SMAD2: variants seen among roughly 807,000 people sequenced by gnomAD.
SMAD2 encodes the protein SMAD family member 2.
In SMAD2, 8 loss-of-function variants were observed where a neutral mutation model predicts 64.4. The ratio of observed to expected loss-of-function variants is 0.12; its 90% CI spans 0.07 to 0.22. The LOEUF (loss-of-function observed/expected upper bound fraction) is 0.22. Ranked by LOEUF, SMAD2 falls within the 10% of genes least tolerant of loss-of-function variation. The probability of loss-of-function intolerance (pLI) is 1.00; values close to 1 mark genes in which losing one functional copy is unlikely to be tolerated. For synonymous variants in SMAD2, 203 were observed against 195.8 expected (o/e 1.04, Z -0.31); for missense variants, 289 against 561.2 (o/e 0.51, Z 4.90).
chr18:47,897,644 TA>T (rs1362119024), intron 1 of SMAD2, among the ~76,000 whole-genome samples: 1 of 152,198 alleles, frequency 6.6e-6, no homozygotes, highest in Admixed American at 6.5e-5. Flanking sequence ...TTTTTATTTT[TA>T]TTTTTTTGCT....
At chr18:47,906,024 G>C (rs2033888226) in intron 1 of SMAD2, among the ~76,000 whole-genome samples, 1 of 151,942 alleles carries the variant, frequency 6.6e-6, no homozygotes, top group Non-Finnish European at 1.5e-5. Flanking sequence ...TGAGGTGGGA[G>C]GATCATTTGA....
In SMAD2 at chr18:47,829,518, TCTTAGGTATCTCTCC is replaced by T. The variant is rs1400341159; in HGVS notation, c.*12294_*12308del. On this transcript the variant is annotated 3_prime_UTR_variant, in exon 11 of 11. Transcript: ENST00000262160. ...TTTAAAGAATATAAACAAGCCAGAT[TCTTAGGTATCTCTCC>T]CTTTTGTAATTTTGATTCTGAAAAA... is the stretch of plus-strand genomic sequence containing the variant. 8.5e-5 allele frequency: 13 copies of T among 152,174 alleles called. No homozygotes were observed. The highest frequency in any genetic ancestry group is 3.1e-4 in the African/African-American group (13 of 41,436). The allele number at this position is 152,174 out of a possible 1,614,324, so 9.4% of individuals were successfully genotyped here. A position where few individuals can be genotyped will look rare whatever the true frequency, so the allele number is the denominator to read the frequency against.
chr18:47,852,968 C>T (rs1013405611), intron 6 of SMAD2, among the ~76,000 whole-genome samples: 8 of 152,070 alleles, frequency 5.3e-5, no homozygotes, highest in East Asian at 1.9e-4. Flanking sequence ...ATTCTCTACA[C>T]GTTTAGGCAC....
chr18:47,908,444 CAT>C (rs1241682979), intron 1 of SMAD2, among the ~76,000 whole-genome samples: 1 of 151,860 alleles, frequency 6.6e-6, no homozygotes, highest in African/African-American at 2.4e-5. Flanking sequence ...GAAAAAAACT[CAT>C]AAACCAGGTA....
chr18:47,923,178 T>TAAA (rs546528253), intron 1 of SMAD2, among the ~76,000 whole-genome samples: 1 of 133,902 alleles, frequency 7.5e-6, no homozygotes, highest in African/African-American at 2.7e-5. Context: ...CCCAGATTAT[T>TAAA]AAAAAAAAAA....
intron 7 of SMAD2, among the ~76,000 whole-genome samples, chr18:47,850,377 ATATAT>A (rs1188089944): frequency 1.9e-4 from 3 of 15,726 alleles, no homozygotes; most frequent in Admixed American, 1.5e-3. Flanking sequence ...TATATATTAT[ATATAT>A]TATATAATAT....
At chr18:47,849,222 C>G (rs1379541921) in intron 7 of SMAD2, among the ~76,000 whole-genome samples, 1 of 151,746 alleles carries the variant, frequency 6.6e-6, no homozygotes, top group East Asian at 1.9e-4. Context: ...AAGAGAAAAC[C>G]CACTCATACA....
At position 47,906,238 on chromosome 18, in the gene SMAD2, A is replaced by C. The variant is rs187215333; in HGVS notation, c.-53-9429T>G. Among the ~76,000 whole-genome samples the C allele has an allele frequency of 5.3e-4, 80 of 152,220 alleles. 1 individual carries two copies. Among genetic ancestry groups the C allele is most frequent in the East Asian group, 1.4e-3 (7 of 5,184 alleles). On this transcript the variant is annotated intron_variant, in intron 1 of 10. Coordinates refer to ENST00000262160, the MANE Select transcript of SMAD2 (RefSeq NM_005901.6). Reference sequence around the variant, plus strand: ...TCTTGAGTACCAACATGACACCCCCAAAAAAACGGTCATTGTACTATACAG... The same window carrying C: ...TCTTGAGTACCAACATGACACCCCCCAAAAAACGGTCATTGTACTATACAG...
rs1427971633 is a variant in SMAD2, at chr18:47,827,462, CTCTCCCG to C, written c.*14358_*14364del. On this transcript the variant is annotated 3_prime_UTR_variant, in exon 11 of 11. Transcript: ENST00000262160. ...TTAGAAAAAAAGCACATCCCTCTCC[CTCTCCCG>C]TCTCCCCCCGTCTCCCACTTTCTAC... 6.6e-6 allele frequency: 1 copy of C among 152,316 alleles called. No homozygotes were observed. The highest frequency in any genetic ancestry group is 1.9e-4 in the East Asian group (1 of 5,186). The allele number at this position is 152,316 out of a possible 1,614,324, so 9.4% of individuals were successfully genotyped here.
chr18:47,916,263 A>G (rs1366738033), intron 1 of SMAD2, among the ~76,000 whole-genome samples: 1 of 152,170 alleles, frequency 6.6e-6, no homozygotes, highest in Non-Finnish European at 1.5e-5. Flanking sequence ...TAGCCTTGCA[A>G]AATAATTTTT....
intron 1 of SMAD2, among the ~76,000 whole-genome samples, chr18:47,918,497 G>A (rs528940412): frequency 6.6e-6 from 1 of 152,280 alleles, no homozygotes; most frequent in South Asian, 2.1e-4. Context: ...AAGGAGACAA[G>A]TTTCACCCAC....
chr18:47,901,034 C>T (rs375581260), intron 1 of SMAD2, among the ~76,000 whole-genome samples: 1 of 152,104 alleles, frequency 6.6e-6, no homozygotes, highest in Non-Finnish European at 1.5e-5. Context: ...ATGGTTAATA[C>T]CACCATTAAT....
intron 2 of SMAD2, among the ~76,000 whole-genome samples, chr18:47,886,282 T>G (rs2032895493): frequency 1.3e-5 from 2 of 152,234 alleles, no homozygotes; most frequent in South Asian, 2.1e-4. Flanking sequence ...ACTCTGAATG[T>G]GATAAACTGC....
chr18:47,869,913 T>C (rs896612748), intron 3 of SMAD2, among the ~76,000 whole-genome samples: 5 of 152,136 alleles, frequency 3.3e-5, no homozygotes, highest in Non-Finnish European at 5.9e-5. Context: ...TACCCAGTTG[T>C]GACTGTTTTG....
rs1328098801 is a variant in SMAD2, at chr18:47,834,078, T to C, written c.*7749A>G. 1 of 215,890 alleles carries C rather than the reference T, an allele frequency of 4.6e-6. No homozygotes were observed. Among genetic ancestry groups the C allele is most frequent in the Non-Finnish European group, 9.3e-6 (1 of 107,172 alleles). The allele number at this position is 215,890 out of a possible 1,614,324, so 13.4% of individuals were successfully genotyped here. On this transcript the variant is annotated 3_prime_UTR_variant, in exon 11 of 11. Coordinates refer to ENST00000262160, the MANE Select transcript of SMAD2 (RefSeq NM_005901.6). ...GCTATTACCTGTGTTATAAATCTCA[T>C]GTTCCATTCAAAGTACTAAATGACT...
intron 6 of SMAD2, among the ~76,000 whole-genome samples, chr18:47,856,599 T>C (rs1328714235): frequency 1.3e-5 from 2 of 152,132 alleles, no homozygotes; most frequent in South Asian, 2.1e-4. Context: ...CTCAGCAATA[T>C]GTATCAAAAG....
rs1912843796 is a variant in SMAD2, at chr18:47,828,270, TG to T, written c.*13556del. On this transcript the variant is annotated 3_prime_UTR_variant, in exon 11 of 11. Coordinates refer to ENST00000262160, the MANE Select transcript of SMAD2 (RefSeq NM_005901.6). Reference sequence around the variant, plus strand: ...TCGGCCAGCCGCCCCGTCCGGGAGGTGGGGGGCAACCCCCGCCCGGCCAGCT... The same window carrying T: ...TCGGCCAGCCGCCCCGTCCGGGAGGTGGGGGCAACCCCCGCCCGGCCAGCT... 1 of 149,348 alleles carries T rather than the reference TG, an allele frequency of 6.7e-6. No homozygotes were observed. The highest frequency in any genetic ancestry group is 1.5e-5 in the Non-Finnish European group (1 of 68,952). 9.3% of individuals were successfully genotyped at this position (149,348 alleles called of 1,614,324 possible).
intron 1 of SMAD2, among the ~76,000 whole-genome samples, chr18:47,924,838 T>C (rs1472178584): frequency 6.6e-6 from 1 of 152,234 alleles, no homozygotes; most frequent in East Asian, 1.9e-4. Flanking sequence ...ACCTTAACCA[T>C]TATGTCTCTA....
At chr18:47,897,280 G>A (rs1393521119) in intron 1 of SMAD2, among the ~76,000 whole-genome samples, 8 of 152,184 alleles carry the variant, frequency 5.3e-5, no homozygotes, top group Non-Finnish European at 7.4e-5. Context: ...GGGAAAATGC[G>A]TAAAGTGTGA....
Sources: allele counts gnomAD v4.1 joint callset (sites outside exome capture counted in the v4.1 genomes callset), GRCh38; gene constraint gnomAD v4.1.1; transcripts MANE v1.5; gene names NCBI Gene and HGNC (gene_info 2026-07-23, HGNC 2026-07-21).